The following HYLS1 variants were observed in gnomAD, a reference collection of about 807,000 sequenced individuals.
The protein encoded by HYLS1 is centriolar and ciliogenesis-associated protein HYLS1.
A neutral mutation model predicts 29.4 loss-of-function variants in HYLS1; 25 were observed. The ratio of observed to expected loss-of-function variants is 0.85; its 90% CI spans 0.62 to 1.19. The LOEUF (loss-of-function observed/expected upper bound fraction) is 1.19. Among genes scored for constraint, HYLS1 ranks in the 50% most tolerant of loss-of-function variants. The pLI, the probability that HYLS1 is intolerant of heterozygous loss-of-function variation, is 0.00. For synonymous variants in HYLS1, 128 were observed against 126.7 expected (o/e 1.01, Z -0.07); for missense variants, 352 against 365.1 (o/e 0.96, Z 0.29).
chr11:125,897,975 A>G (rs1162531224), intron 2 of HYLS1, among the ~76,000 whole-genome samples: 1 of 152,222 alleles, frequency 6.6e-6, no homozygotes, highest in Non-Finnish European at 1.5e-5. Flanking sequence ...TTTATGATAC[A>G]TTCATACATT....
intron 2 of HYLS1, among the ~76,000 whole-genome samples, chr11:125,891,869 T>G (rs1209023574): frequency 6.6e-6 from 1 of 152,200 alleles, no homozygotes; most frequent in Non-Finnish European, 1.5e-5. Flanking sequence ...CTGGAACTGT[T>G]TCAGTGAAGT....
At chr11:125,898,215 A>G (rs1944647756) in intron 2 of HYLS1, among the ~76,000 whole-genome samples, 1 of 152,224 alleles carries the variant, frequency 6.6e-6, no homozygotes, top group Non-Finnish European at 1.5e-5. Context: ...ATGTGCATGT[A>G]TTAGTTTTTC....
intron 2 of HYLS1, among the ~76,000 whole-genome samples, chr11:125,898,674 CAA>C (rs1218833075): frequency 7.0e-6 from 1 of 143,272 alleles, no homozygotes; most frequent in Admixed American, 7.0e-5. Context: ...GACTCCATCT[CAA>C]AAAAAAAAAT....
intron 2 of HYLS1, 129 bp from the exon 3 acceptor site, chr11:125,899,215 T>A (rs1267548910): frequency 1.2e-5 from 8 of 652,614 alleles, no homozygotes; most frequent in South Asian, 9.5e-5. Flanking sequence ...GATACTACCC[T>A]GTATTGAATT....
chr11:125,899,707 G>C lies in HYLS1; in HGVS notation c.339G>C (p.Ser113=). ...GGGAAGTATTAGTAACAGATGAGTC[G>C]ATTATCAGTGAATCAGAATCTGGTA... ...PDGEVLVTDE[S]IISESESGTE... is the part of the protein sequence containing the mutation. The change falls in exon 3 of 3, where the codon TCG becomes TCC. Residue 113 remains serine, a synonymous_variant. Coordinates refer to ENST00000425380, the MANE Select transcript of HYLS1 (RefSeq NM_001134793.2). The C allele has an allele frequency of 1.2e-6, 2 of 1,614,146 alleles. No homozygotes were observed. The highest frequency in any genetic ancestry group is 1.1e-5 in the South Asian group (1 of 91,080).
rs1555102367 is a variant in HYLS1, at chr11:125,899,437, TGCTACA to T, written c.73_78del (p.Thr25_Ala26del). 2 of 1,614,224 alleles carry T rather than the reference TGCTACA, an allele frequency of 1.2e-6. No individual in the cohort carries two copies. The highest frequency in any genetic ancestry group is 1.7e-6 in the Non-Finnish European group (2 of 1,180,040). Reference sequence around the variant, plus strand: ...ATCCAGAAGAACGAATGTTGGCAGCTGCTACAGCTTTTACCCACATCTGTGCAGGGC... The same window carrying T: ...ATCCAGAAGAACGAATGTTGGCAGCTGCTTTTACCCACATCTGTGCAGGGC... On this transcript the variant is annotated inframe_deletion, in exon 3 of 3. Transcript: ENST00000425380.
At chr11:125,884,843 T>C (rs905530486), upstream of HYLS1, among the ~76,000 whole-genome samples, 2 of 152,230 alleles carry the variant, frequency 1.3e-5, no homozygotes, top group African/African-American at 4.8e-5. Context: ...AACATTTGTT[T>C]GAAATTTTCC....
chr11:125,888,882 CAAG>C (rs1944359864), intron 1 of HYLS1, among the ~76,000 whole-genome samples: 1 of 151,584 alleles, frequency 6.6e-6, no homozygotes, highest in Non-Finnish European at 1.5e-5. Context: ...ATAAATCGGA[CAAG>C]AATGCAAACA....
chr11:125,893,736 T>C, intron 2 of HYLS1: 3 of 1,420,860 alleles, frequency 2.1e-6, no homozygotes, highest in Non-Finnish European at 2.8e-6. Context: ...TTTCCTTTTC[T>C]GTCCACCTAC....
chr11:125,885,843 T>C (rs933545284), upstream of HYLS1, among the ~76,000 whole-genome samples: 3 of 152,164 alleles, frequency 2.0e-5, no homozygotes, highest in Admixed American at 1.3e-4. Flanking sequence ...GCGTGAACCC[T>C]ATTGTGAACT....
chr11:125,898,576 C>A (rs927367631), intron 2 of HYLS1, among the ~76,000 whole-genome samples: 9 of 151,968 alleles, frequency 5.9e-5, no homozygotes, highest in African/African-American at 2.2e-4. Context: ...ACTCCGGAGT[C>A]TTAGACAGGA....
intron 2 of HYLS1, chr11:125,893,717 T>G: frequency 7.6e-7 from 1 of 1,311,470 alleles, no homozygotes; most frequent in Non-Finnish European, 1.0e-6. Context: ...GCAAGTAAAT[T>G]TTTTTTTTTT....
chr11:125,899,187 G>A, intron 2 of HYLS1, 157 bp from the exon 3 acceptor site: 1 of 597,212 alleles, frequency 1.7e-6, no homozygotes, highest in Non-Finnish European at 3.0e-6. Flanking sequence ...CTGAGTTAAT[G>A]CCCCTCTAAA....
At chr11:125,894,628 G>A (rs1316996007) in intron 2 of HYLS1, among the ~76,000 whole-genome samples, 3 of 151,958 alleles carry the variant, frequency 2.0e-5, no homozygotes, top group African/African-American at 7.3e-5. Flanking sequence ...TAAAATTATT[G>A]GTATCTATCT....
chr11:125,895,613 A>C (rs766057732), intron 2 of HYLS1: 1 of 1,614,252 alleles, frequency 6.2e-7, no homozygotes, highest in East Asian at 2.2e-5. Context: ...TGAACCTAGC[A>C]CTGAAGCTTG....
At chr11:125,896,007 A>G in intron 2 of HYLS1, 2 of 1,614,152 alleles carry the variant, frequency 1.2e-6, no homozygotes, top group Non-Finnish European at 1.7e-6. Flanking sequence ...AGCTTCAAAC[A>G]GTTTCTCTTC....
In HYLS1 at chr11:125,900,570, T is replaced by C; in HGVS notation, c.*302T>C. The C allele has an allele frequency of 2.6e-6, 1 of 384,470 alleles. No individual in the cohort carries two copies. The highest frequency in any genetic ancestry group is 2.5e-5 in the South Asian group (1 of 40,450). The allele number at this position is 384,470 out of a possible 1,614,324, so 23.8% of individuals were successfully genotyped here. A position where few individuals can be genotyped will look rare whatever the true frequency, so the allele number is the denominator to read the frequency against. ...CTGTAACTTTTTTTACCTATCAATA[T>C]GAGTTGCTGTGCTTCAGTGTGTGTT... On this transcript the variant is annotated 3_prime_UTR_variant, in exon 3 of 3. Coordinates refer to ENST00000425380, the MANE Select transcript of HYLS1 (RefSeq NM_001134793.2).
intron 1 of HYLS1, among the ~76,000 whole-genome samples, chr11:125,890,610 C>CAAAATCCTTTTGATTG (rs1459057188): frequency 2.0e-5 from 3 of 152,164 alleles, no homozygotes; most frequent in African/African-American, 7.2e-5. Context: ...TTGTAACTAG[C>CAAAATCCTTTTGATTG]TAACCCTAGG....
In HYLS1 at chr11:125,899,988, G is replaced by A. The variant is rs778523649; in HGVS notation, c.620G>A (p.Arg207Gln). 57 of 1,614,088 alleles carry A rather than the reference G, an allele frequency of 3.5e-5. No homozygotes were observed. The highest frequency in any genetic ancestry group is 3.0e-4 in the South Asian group (27 of 91,086). ...LPKLDQLSRN[R>Q]GKTDRVARYF... ...AAGCTGGACCAGTTAAGCCGAAACC[G>A]GGGCAAGACAGACCGGGTAGCCCGG... is the stretch of plus-strand genomic sequence containing the variant. The change falls in exon 3 of 3, where the codon CGG (arginine) becomes CAG (glutamine). Residue 207 changes from arginine to glutamine, a missense_variant. By Grantham distance (43) the Arg-to-Gln change is conservative (BLOSUM62 1). Transcript: ENST00000425380.
Sources: gnomAD v4.1 joint callset for allele counts (sites outside exome capture counted in the v4.1 genomes callset) on GRCh38, gnomAD v4.1.1 for gene constraint, MANE v1.5 for transcripts, NCBI Gene and HGNC (gene_info 2026-07-23, HGNC 2026-07-21) for gene names.